The following GDA variants were observed in gnomAD, a reference collection of about 807,000 sequenced individuals.
The protein encoded by GDA is guanine deaminase, also known as cytoplasmic PSD-95 interactor.
Under a neutral mutation model 59.6 loss-of-function variants are expected in GDA, and 18 were observed. The ratio of observed to expected loss-of-function variants is 0.30; its 90% CI spans 0.21 to 0.45. GDA has a LOEUF of 0.45. Ranked by LOEUF, GDA falls within the 20% of genes least tolerant of loss-of-function variation. The pLI is 1.00. For missense variants in GDA, 427 were observed against 552.3 expected (o/e 0.77, Z 2.27); for synonymous variants, 201 against 201.1 (o/e 1.00, Z 0.00).
chr9:72,182,094 A>AT (rs150947151), intron 1 of GDA, among the ~76,000 whole-genome samples: 5 of 151,854 alleles, frequency 3.3e-5, no homozygotes, highest in African/African-American at 7.3e-5. Context: ...TAAATACTTT[A>AT]TTTTTTTTCC....
intron 1 of GDA, among the ~76,000 whole-genome samples, chr9:72,122,363 T>G (rs1433262447): frequency 6.6e-6 from 1 of 152,118 alleles, no homozygotes; most frequent in Non-Finnish European, 1.5e-5. Flanking sequence ...TTTCCTCAAC[T>G]GTAAGATGGG....
At chr9:72,200,024 G>A (rs1372914540) in intron 2 of GDA, among the ~76,000 whole-genome samples, 1 of 136,376 alleles carries the variant, frequency 7.3e-6, no homozygotes, top group Admixed American at 7.7e-5. Context: ...TTGAGATGGA[G>A]TCTCGCTCTG....
At chr9:72,129,360 G>A (rs573396308) in intron 1 of GDA, among the ~76,000 whole-genome samples, 27 of 152,302 alleles carry the variant, frequency 1.8e-4, no homozygotes, top group African/African-American at 5.1e-4. Context: ...GCACGGCTGC[G>A]TTCTCCACGG....
upstream of GDA, among the ~76,000 whole-genome samples, chr9:72,145,501 G>C (rs1826594226): frequency 6.6e-6 from 1 of 152,174 alleles, no homozygotes; most frequent in African/African-American, 2.4e-5. Context: ...GATAATAGAG[G>C]AGAAAGCCTT....
chr9:72,194,340 G>A (rs1177537305), intron 1 of GDA, among the ~76,000 whole-genome samples: 3 of 152,066 alleles, frequency 2.0e-5, no homozygotes, highest in African/African-American at 7.2e-5. Context: ...ATCCTACCAG[G>A]ACTGAGTCTT....
chr9:72,160,078 T>C (rs1587402846), intron 1 of GDA, among the ~76,000 whole-genome samples: 1 of 151,958 alleles, frequency 6.6e-6, no homozygotes, highest in Non-Finnish European at 1.5e-5. Flanking sequence ...GGCGGGCGGA[T>C]CATGAGGTCA....
At chr9:72,190,759 T>C (rs922832673) in intron 1 of GDA, among the ~76,000 whole-genome samples, 1 of 152,116 alleles carries the variant, frequency 6.6e-6, no homozygotes, top group African/African-American at 2.4e-5. Context: ...TCAACCATTG[T>C]AGTAAAATAT....
At chr9:72,155,523 G>C (rs1827790434) in intron 1 of GDA, among the ~76,000 whole-genome samples, 1 of 152,174 alleles carries the variant, frequency 6.6e-6, no homozygotes, top group African/African-American at 2.4e-5. Flanking sequence ...AAGGTCCTGG[G>C]GTAGGAAGGA....
chr9:72,183,285 G>A (rs1658597265), intron 1 of GDA, among the ~76,000 whole-genome samples: 1 of 152,060 alleles, frequency 6.6e-6, no homozygotes, highest in African/African-American at 2.4e-5. Flanking sequence ...TGACCCTGGG[G>A]ACTGTCTCCT....
rs765512560 is a variant in GDA, at chr9:72,245,164, T to C, written c.1152T>C (p.Gly384=). ...LGGSQALGLD[G]EIGNFEVGKE... ...TCTCAATAGCCCTGGGGCTGGATGG[T>C]GAGATTGGAAACTTTGAAGTGGGCA... Residue 384 remains glycine (G), a synonymous_variant, in exon 12 of 14, where the codon GGT becomes GGC. Transcript: ENST00000358399. 6.2e-7 allele frequency: 1 copy of C among 1,613,670 alleles called. No homozygotes were observed. Among genetic ancestry groups the C allele is most frequent in the African/African-American group, 1.3e-5 (1 of 74,884 alleles).
At chr9:72,148,357 G>A (rs1826784328), upstream of GDA, among the ~76,000 whole-genome samples, 1 of 151,168 alleles carries the variant, frequency 6.6e-6, no homozygotes, top group Admixed American at 6.6e-5. Flanking sequence ...GTGTGTATTG[G>A]TGAGAGGGAA....
intron 9 of GDA, among the ~76,000 whole-genome samples, chr9:72,230,198 G>A (rs1312015500): frequency 2.0e-5 from 3 of 152,124 alleles, no homozygotes; most frequent in East Asian, 3.9e-4. Context: ...TGTCTCTTTA[G>A]AAAGGCAGCA....
rs1251964938 is a variant in GDA at position 72,251,098 on chromosome 9, A to C, written c.*2756A>C. 23 of 399,240 alleles carry C rather than the reference A, an allele frequency of 5.8e-5. No homozygotes were observed. Among genetic ancestry groups the C allele is most frequent in the South Asian group, 3.8e-4 (12 of 31,752 alleles). The allele number at this position is 399,240 out of a possible 1,614,324, so 24.7% of individuals were successfully genotyped here. The stretch of plus-strand genomic sequence containing the variant: ...ATTGGAACAGGCTCCCTTCATGCCA[A>C]GGGTCTTTCTAAGTTAATACTGTGA... On this transcript the variant is annotated 3_prime_UTR_variant, in exon 14 of 14. Coordinates refer to ENST00000358399, the MANE Select transcript of GDA (RefSeq NM_004293.5).
intron 1 of GDA, among the ~76,000 whole-genome samples, chr9:72,188,097 T>C (rs533155058): frequency 1.4e-4 from 21 of 152,280 alleles, no homozygotes; most frequent in Admixed American, 3.9e-4. Context: ...GAATTTATAA[T>C]GAAAAAGGAA....
intron 1 of GDA, among the ~76,000 whole-genome samples, chr9:72,115,234 A>C (rs1429356243): frequency 6.6e-6 from 1 of 152,154 alleles, no homozygotes; most frequent in Non-Finnish European, 1.5e-5. Context: ...TTCTCAAAAA[A>C]CCATTGTCCA....
At chr9:72,197,299 G>T (rs2131290202) in intron 2 of GDA, among the ~76,000 whole-genome samples, 1 of 152,310 alleles carries the variant, frequency 6.6e-6, no homozygotes, top group East Asian at 1.9e-4. Context: ...TCTCCCTGCT[G>T]CCTCTCTATG....
intron 10 of GDA, among the ~76,000 whole-genome samples, chr9:72,237,866 C>T (rs1005477280): frequency 3.9e-5 from 6 of 152,116 alleles, no homozygotes; most frequent in African/African-American, 1.2e-4. Flanking sequence ...CTTGAACCAT[C>T]CCCTTTCCCC....
At chr9:72,129,778 T>G (rs967439156) in intron 1 of GDA, among the ~76,000 whole-genome samples, 1 of 152,056 alleles carries the variant, frequency 6.6e-6, no homozygotes, top group East Asian at 1.9e-4. Flanking sequence ...TCTCTATTAG[T>G]GCCATCTATA....
intron 1 of GDA, among the ~76,000 whole-genome samples, chr9:72,163,988 C>T (rs964610916): frequency 5.9e-5 from 9 of 152,228 alleles, no homozygotes; most frequent in Non-Finnish European, 1.2e-4. Flanking sequence ...ACAAGAATGA[C>T]ACATTTGTTG....
Sources: allele counts gnomAD v4.1 joint callset (sites outside exome capture counted in the v4.1 genomes callset), GRCh38; gene constraint gnomAD v4.1.1; transcripts MANE v1.5; gene names NCBI Gene and HGNC (gene_info 2026-07-23, HGNC 2026-07-21).